The following MACROD2 variants were observed in gnomAD, a reference collection of about 807,000 sequenced individuals.
MACROD2 encodes the protein ADP-ribose glycohydrolase MACROD2.
Under a neutral mutation model 70.4 loss-of-function variants are expected in MACROD2, and 36 were observed. The ratio of observed to expected loss-of-function variants is 0.51; its 90% CI spans 0.39 to 0.68. The LOEUF is 0.68. MACROD2 is among the 30% of genes least tolerant of loss of function. The pLI is 0.00. For missense variants in MACROD2, 496 were observed against 538.4 expected (o/e 0.92, Z 0.78); for synonymous variants, 172 against 178.8 (o/e 0.96, Z 0.30).
At chr20:14,941,510 T>G (rs1459214722) in intron 5 of MACROD2, among the ~76,000 whole-genome samples, 1 of 152,148 alleles carries the variant, frequency 6.6e-6, no homozygotes, top group Non-Finnish European at 1.5e-5. Flanking sequence ...GCACACTTGA[T>G]GCCAGGCAGA....
At position 15,387,365 on chromosome 20, in the gene MACROD2, CCTTTCTTCCCTCT is replaced by C. The variant is rs550320950; in HGVS notation, c.541-44036_541-44024del. On this transcript the variant is annotated intron_variant, in intron 6 of 17. Transcript: ENST00000684519. ...TTCCCTCTCTGCTTCTATTCCTCTCCCTTTCTTCCCTCTCTTCCTACCTCTCTGCAGTCTGCAC... is the reference window on the plus strand; with the variant it reads ...TTCCCTCTCTGCTTCTATTCCTCTCCCTTCCTACCTCTCTGCAGTCTGCAC... Among the ~76,000 whole-genome samples the C allele has an allele frequency of 7.0e-3, 870 of 124,980 alleles. 8 individuals carry two copies. Among genetic ancestry groups the C allele is most frequent in the African/African-American group, 0.021 (750 of 35,906 alleles). The allele number at this position is 124,980 out of a possible 152,430, so 82.0% of individuals were successfully genotyped here.
chr20:15,650,126 G>A (rs1230308302), intron 8 of MACROD2, among the ~76,000 whole-genome samples: 7 of 152,120 alleles, frequency 4.6e-5, no homozygotes, highest in Admixed American at 3.3e-4. Context: ...TTGGATCTGG[G>A]GAAGGACTTG....
intron 3 of MACROD2, among the ~76,000 whole-genome samples, chr20:14,485,582 T>A (rs1481902309): frequency 6.6e-6 from 1 of 151,202 alleles, no homozygotes; most frequent in Non-Finnish European, 1.5e-5. Context: ...GCACCTGTAG[T>A]CCCAGCTACT....
At chr20:14,098,813 A>G (rs2054263275) in intron 3 of MACROD2, among the ~76,000 whole-genome samples, 1 of 152,210 alleles carries the variant, frequency 6.6e-6, no homozygotes, top group African/African-American at 2.4e-5. Flanking sequence ...CTAGCAAAGC[A>G]TCAAAAGTCA....
chr20:15,202,672 T>C (rs932350738), intron 5 of MACROD2, among the ~76,000 whole-genome samples: 1 of 152,168 alleles, frequency 6.6e-6, no homozygotes, highest in Non-Finnish European at 1.5e-5. Flanking sequence ...ACAACTCAAG[T>C]GGGAAAATAT....
chr20:14,102,090 G>A (rs8121891), intron 3 of MACROD2, among the ~76,000 whole-genome samples: 11 of 126,454 alleles, frequency 8.7e-5, no homozygotes, highest in Admixed American at 2.0e-4. Flanking sequence ...TGCAACCTCC[G>A]CCTCCCAGGT....
At chr20:15,107,794 A>G (rs2075922702) in intron 5 of MACROD2, among the ~76,000 whole-genome samples, 1 of 151,980 alleles carries the variant, frequency 6.6e-6, no homozygotes, top group Admixed American at 6.6e-5. Context: ...TGTTGTTTTA[A>G]TGTGATAGAA....
chr20:14,624,096 T>G (rs1007708543), intron 4 of MACROD2, among the ~76,000 whole-genome samples: 1 of 152,216 alleles, frequency 6.6e-6, no homozygotes, highest in Non-Finnish European at 1.5e-5. Flanking sequence ...TTATCAGACT[T>G]ATCTGCAGTA....
intron 6 of MACROD2, among the ~76,000 whole-genome samples, chr20:15,266,338 G>A (rs387336): frequency 0.5 from 75,688 of 151,980 alleles, 18,883 homozygotes; most frequent in South Asian, 0.56. Flanking sequence ...TGCACTATCC[G>A]TCACTAAGAT....
At chr20:15,271,453 T>C (rs144165387) in intron 6 of MACROD2, among the ~76,000 whole-genome samples, 105 of 152,254 alleles carry the variant, frequency 6.9e-4, no homozygotes, top group African/African-American at 2.5e-3. Context: ...TAGCAGACAA[T>C]CTCTTTCCAA....
At chr20:15,572,788 GTT>G (rs2048392541) in intron 8 of MACROD2, among the ~76,000 whole-genome samples, 1 of 152,092 alleles carries the variant, frequency 6.6e-6, no homozygotes, top group African/African-American at 2.4e-5. Flanking sequence ...TGGAGTGTAT[GTT>G]TTTAGTCAGC....
At chr20:16,011,838 T>A (rs764903504) in intron 15 of MACROD2, among the ~76,000 whole-genome samples, 2 of 152,196 alleles carry the variant, frequency 1.3e-5, no homozygotes, top group Non-Finnish European at 2.9e-5. Flanking sequence ...TGATTCGTCT[T>A]GCACTTTTCA....
intron 4 of MACROD2, among the ~76,000 whole-genome samples, chr20:14,622,205 G>C (rs1983870888): frequency 6.6e-6 from 1 of 152,036 alleles, no homozygotes; most frequent in Non-Finnish European, 1.5e-5. Flanking sequence ...TTCTTGCAAT[G>C]ATCTACATAC....
At chr20:15,004,507 C>CTTTAAAATAAAT (rs2075020807) in intron 5 of MACROD2, among the ~76,000 whole-genome samples, 1 of 152,152 alleles carries the variant, frequency 6.6e-6, no homozygotes, top group African/African-American at 2.4e-5. Context: ...GGTGTACTAC[C>CTTTAAAATAAAT]AGATAGCTAT....
chr20:15,062,458 G>A (rs1019506285), intron 5 of MACROD2, among the ~76,000 whole-genome samples: 8 of 151,588 alleles, frequency 5.3e-5, no homozygotes, highest in Admixed American at 1.3e-4. Context: ...CTTCCAAACC[G>A]CCTCCATTTC....
At chr20:15,623,754 T>C (rs917450006) in intron 8 of MACROD2, among the ~76,000 whole-genome samples, 6 of 149,938 alleles carry the variant, frequency 4.0e-5, no homozygotes, top group South Asian at 2.1e-4. Flanking sequence ...CTATCATCTA[T>C]CTGCCTATCT....
At chr20:15,828,009 T>C in intron 8 of MACROD2, among the ~76,000 whole-genome samples, 1 of 152,182 alleles carries the variant, frequency 6.6e-6, no homozygotes, top group East Asian at 1.9e-4. Context: ...AGAGAAAATC[T>C]AGAAGTACAA....
chr20:15,220,576 C>T lies in MACROD2; in HGVS notation c.419-9364C>T, dbSNP rs531627659. On this transcript the variant is annotated intron_variant, in intron 5 of 17. Coordinates refer to ENST00000684519, the MANE Select transcript of MACROD2 (RefSeq NM_001351661.2). ...GGAGAGCTCTGACCGATGGAAACTTCTCAGAAATGTTCGTGTTCAAAGTCA... is the reference window on the plus strand; with the variant it reads ...GGAGAGCTCTGACCGATGGAAACTTTTCAGAAATGTTCGTGTTCAAAGTCA... 3.9e-5 allele frequency among the ~76,000 whole-genome samples: 6 copies of T among 152,334 alleles called. No individual in the cohort carries two copies. In the South Asian group the frequency reaches 1.2e-3, roughly 32 times the overall value.
At chr20:14,671,098 C>T (rs2070789713) in intron 4 of MACROD2, among the ~76,000 whole-genome samples, 1 of 152,078 alleles carries the variant, frequency 6.6e-6, no homozygotes, top group Admixed American at 6.6e-5. Context: ...GGCATATAGC[C>T]TGCCCACTAA....
Sources: allele counts gnomAD v4.1 joint callset (sites outside exome capture counted in the v4.1 genomes callset), GRCh38; gene constraint gnomAD v4.1.1; transcripts MANE v1.5; gene names NCBI Gene and HGNC (gene_info 2026-07-23, HGNC 2026-07-21).